The following CLPTM1L variants were observed in gnomAD, a reference collection of about 807,000 sequenced individuals.
CLPTM1L encodes the protein CLPTM1 like.
Under a neutral mutation model 70.9 loss-of-function variants are expected in CLPTM1L, and 38 were observed. That is an observed-to-expected ratio of 0.54 (90% CI 0.41 to 0.70). The LOEUF (loss-of-function observed/expected upper bound fraction) is 0.70. CLPTM1L is among the 30% of genes least tolerant of loss of function. CLPTM1L has a pLI of 0.00. For synonymous variants in CLPTM1L, 339 were observed against 299.9 expected (o/e 1.13, Z -1.35); for missense variants, 652 against 705.9 (o/e 0.92, Z 0.87).
rs1176396765 is a variant in CLPTM1L at position 1,321,688 on chromosome 5, GGA to G, written c.1372-11_1372-10del. On this transcript the variant is annotated splice_polypyrimidine_tract_variant and intron_variant, in intron 14 of 16. Coordinates refer to ENST00000320895, the MANE Select transcript of CLPTM1L (RefSeq NM_030782.5). Reference sequence around the variant, plus strand: ...TGTGCCACTGACTTCAACTGAAACAGGAGAGACAGGCCCAGGTCAGCTGTGGG... The same window carrying G: ...TGTGCCACTGACTTCAACTGAAACAGGAGACAGGCCCAGGTCAGCTGTGGG... The G allele has an allele frequency of 3.1e-6, 5 of 1,613,940 alleles. No homozygotes were observed. In the East Asian group the frequency reaches 6.7e-5, roughly 22 times the overall value.
At chr5:1,337,245 CAT>C (rs1317737219) in intron 5 of CLPTM1L, among the ~76,000 whole-genome samples, 2 of 152,240 alleles carry the variant, frequency 1.3e-5, no homozygotes, top group Non-Finnish European at 2.9e-5. Flanking sequence ...CACAGTGCCT[CAT>C]GTGCAGTAAG....
chr5:1,332,056 T>C (rs1753129589), intron 7 of CLPTM1L, 173 bp from the exon 8 acceptor site: 1 of 618,902 alleles, frequency 1.6e-6, no homozygotes, highest in Non-Finnish European at 2.9e-6. Context: ...TGGCCTGCCA[T>C]GTCAGAACCT....
rs1754036578 is a variant in CLPTM1L at position 1,342,892 on chromosome 5, C to G, written c.264-1032G>C. Among the ~76,000 whole-genome samples, 1 of 152,238 alleles carries G rather than the reference C, an allele frequency of 6.6e-6. No individual in the cohort carries two copies. Among genetic ancestry groups the G allele is most frequent in the African/African-American group, 2.4e-5 (1 of 41,476 alleles). On this transcript the variant is annotated intron_variant, in intron 2 of 16. Transcript: ENST00000320895. The surrounding 1 kb of genome is among the most constrained non-coding windows in gnomAD (Gnocchi z 4.3). Reference sequence around the variant, plus strand: ...GCATGAGTCACTGTGCCCGGCCTCTCCTTAAAAATCTTACGGTTGGCCGGG... The same window carrying G: ...GCATGAGTCACTGTGCCCGGCCTCTGCTTAAAAATCTTACGGTTGGCCGGG...
chr5:1,333,721 T>C (rs1753343990), intron 7 of CLPTM1L, among the ~76,000 whole-genome samples: 3 of 139,208 alleles, frequency 2.2e-5, no homozygotes, highest in Non-Finnish European at 4.6e-5. Flanking sequence ...GGGACTACTG[T>C]ATACACACCG....
At chr5:1,338,029 C>T in intron 4 of CLPTM1L, 47 bp from the exon 5 acceptor site, 2 of 1,476,364 alleles carry the variant, frequency 1.4e-6, no homozygotes, top group Non-Finnish European at 1.9e-6. Context: ...AGGCTTTTAC[C>T]TTTCAATGAA....
intron 5 of CLPTM1L, among the ~76,000 whole-genome samples, chr5:1,336,462 G>C (rs556204554): frequency 6.6e-6 from 1 of 152,324 alleles, no homozygotes; most frequent in East Asian, 1.9e-4. Flanking sequence ...TCTGCAGACA[G>C]ACACACAGGG....
intron 12 of CLPTM1L, 55 bp downstream of exon 12, chr5:1,323,732 C>T: frequency 1.3e-6 from 2 of 1,502,398 alleles, no homozygotes; most frequent in Non-Finnish European, 1.9e-6. Context: ...CTCAGTCATC[C>T]AAATGGCTTT....
intron 4 of CLPTM1L, chr5:1,338,361 G>A (rs1311612524): frequency 3.3e-6 from 1 of 299,770 alleles, no homozygotes; most frequent in East Asian, 7.2e-5. Flanking sequence ...ACTTGGAAGG[G>A]CGAGTCACCT....
chr5:1,335,771 G>A (rs1446648129), intron 5 of CLPTM1L, among the ~76,000 whole-genome samples: 1 of 152,218 alleles, frequency 6.6e-6, no homozygotes, highest in African/African-American at 2.4e-5. Flanking sequence ...CACGCACACA[G>A]GCTGTGGGCC....
chr5:1,333,346 C>A (rs1351832519), intron 7 of CLPTM1L, among the ~76,000 whole-genome samples: 1 of 118,238 alleles, frequency 8.5e-6, no homozygotes, highest in African/African-American at 3.7e-5. Flanking sequence ...TGTATACACA[C>A]CACATGAGGA....
In CLPTM1L at chr5:1,319,943, G is replaced by C. The variant is rs145580150; in HGVS notation, c.1532+673C>G. Among the ~76,000 whole-genome samples, 1,412 of 152,328 alleles carry C rather than the reference G, an allele frequency of 9.3e-3. 14 individuals are homozygous for C. Among genetic ancestry groups the C allele is most frequent in the African/African-American group, 0.032 (1,321 of 41,586 alleles). On this transcript the variant is annotated intron_variant, in intron 16 of 16. Coordinates refer to ENST00000320895, the MANE Select transcript of CLPTM1L (RefSeq NM_030782.5). ...CCTGGCACAGCAGAGCTGGAGGGAG[G>C]TTTTGCTGACTGAGAGGGCAGATGT...
chr5:1,322,998 A>C (rs1752249730), intron 12 of CLPTM1L, 87 bp from the exon 13 acceptor site: 1 of 1,338,890 alleles, frequency 7.5e-7, no homozygotes. Context: ...TTTCATTAAA[A>C]ATCCTCTGAA....
At position 1,320,720 on chromosome 5, in the gene CLPTM1L, G is replaced by T; in HGVS notation, c.1428C>A (p.Thr476=). ...WKAFTYKAFN[T]FIDDVFAFII... is the part of the protein sequence containing the mutation. ...TGAAGGCAAAGACGTCATCAATGAA[G>T]GTGTTGAAAGCCTGCAGGGCCAGAC... Residue 476 remains threonine, a synonymous_variant, in exon 16 of 17, where the codon ACC becomes ACA. Coordinates refer to ENST00000320895, the MANE Select transcript of CLPTM1L (RefSeq NM_030782.5). The T allele has an allele frequency of 6.5e-7, 1 of 1,541,670 alleles. No homozygotes were observed. Among genetic ancestry groups the T allele is most frequent in the Non-Finnish European group, 8.8e-7 (1 of 1,139,686 alleles).
chr5:1,321,793 T>G lies in CLPTM1L; in HGVS notation c.1342A>C (p.Met448Leu). Residue 448 changes from methionine to leucine, a missense_variant, in exon 14 of 17, where the codon ATG becomes CTG. This residue lies in a region of CLPTM1L where 240 missense variants were observed against 295.0 expected (regional missense o/e 0.81). Coordinates refer to ENST00000320895, the MANE Select transcript of CLPTM1L (RefSeq NM_030782.5). Reference sequence around the variant, plus strand: ...TAGTTCACAAAGAGCTGGGGCAGCATGAAGAGGAAACCAAAGGCATAGACC... The same window carrying G: ...TAGTTCACAAAGAGCTGGGGCAGCAGGAAGAGGAAACCAAAGGCATAGACC... Reference protein sequence around the residue: ...NGVYAFGFLFMLPQLFVNYKL... With the variant: ...NGVYAFGFLFLLPQLFVNYKL... 1 of 1,613,974 alleles carries G rather than the reference T, an allele frequency of 6.2e-7. No homozygotes were observed. Among genetic ancestry groups the G allele is most frequent in the South Asian group, 1.1e-5 (1 of 91,082 alleles).
At chr5:1,320,816 C>A in intron 15 of CLPTM1L, 85 bp from the exon 16 acceptor site, 1 of 698,344 alleles carries the variant, frequency 1.4e-6, no homozygotes. Flanking sequence ...AAGCCAACGG[C>A]TTTTGGCAGA....
Position 1,330,387 on chromosome 5 carries a change from G to C in CLPTM1L, c.977-4C>G. Reference sequence around the variant, plus strand: ...GTGCTGAAGCAGCGCCAGAGCACTGGGGACAGGATGGTCGGGCTGGGAGGG... The same window carrying C: ...GTGCTGAAGCAGCGCCAGAGCACTGCGGACAGGATGGTCGGGCTGGGAGGG... On this transcript the variant is annotated splice_region_variant and splice_polypyrimidine_tract_variant and intron_variant, in intron 8 of 16. Transcript: ENST00000320895. 2 of 1,612,152 alleles carry C rather than the reference G, an allele frequency of 1.2e-6. No homozygotes were observed. Among genetic ancestry groups the C allele is most frequent in the Non-Finnish European group, 1.7e-6 (2 of 1,179,370 alleles).
At chr5:1,320,798 A>T in intron 15 of CLPTM1L, 67 bp from the exon 16 acceptor site, 2 of 920,758 alleles carry the variant, frequency 2.2e-6, no homozygotes, top group Non-Finnish European at 3.3e-6. Context: ...GTTTTTGGTA[A>T]CCTAACCAAG....
At chr5:1,322,564 G>A (rs984178091) in intron 13 of CLPTM1L, among the ~76,000 whole-genome samples, 3 of 152,238 alleles carry the variant, frequency 2.0e-5, no homozygotes, top group East Asian at 1.9e-4. Flanking sequence ...TTTCATCAGC[G>A]ATGGACACAT....
At position 1,323,850 on chromosome 5, in the gene CLPTM1L, T is replaced by C; in HGVS notation, c.1217A>G (p.Tyr406Cys). The change falls in exon 12 of 17, where the codon TAC becomes TGC. Residue 406 changes from tyrosine to cysteine, a missense_variant. By Grantham distance (194) the Tyr-to-Cys change is radical. Around this residue, in one of 3 missense-constraint regions of CLPTM1L, gnomAD observed 240 missense variants for 295.0 expected, o/e 0.81. Transcript: ENST00000320895. ...YDTQAMKYLS[Y>C]LLYPLCVGGA... ...CCCGACACAGAGAGGGTACAGCAGGTATGACAAGTACTTCATGGCCTGCAG... is the reference window on the plus strand; with the variant it reads ...CCCGACACAGAGAGGGTACAGCAGGCATGACAAGTACTTCATGGCCTGCAG... The C allele has an allele frequency of 6.2e-7, 1 of 1,613,542 alleles. No individual in the cohort carries two copies. Among genetic ancestry groups the C allele is most frequent in the Non-Finnish European group, 8.5e-7 (1 of 1,179,834 alleles).
Sources: allele counts gnomAD v4.1 joint callset (sites outside exome capture counted in the v4.1 genomes callset), GRCh38; gene constraint gnomAD v4.1.1; regional missense constraint gnomAD v4.1.1; non-coding constraint Gnocchi (gnomAD v3.1); transcripts MANE v1.5; gene names NCBI Gene and HGNC (gene_info 2026-07-23, HGNC 2026-07-21).